Variants in NTRK2 observed in about 807,000 individuals in gnomAD.
NTRK2 encodes BDNF/NT-3 growth factors receptor.
A neutral mutation model predicts 94.5 loss-of-function variants in NTRK2; 13 were observed. The observed-to-expected ratio is 0.14, with a 90% confidence interval of 0.09 to 0.22. The LOEUF (loss-of-function observed/expected upper bound fraction) is 0.22. Among genes scored for constraint, NTRK2 ranks in the 10% least tolerant of loss-of-function variants. NTRK2 has a pLI of 1.00. For synonymous variants in NTRK2, 372 were observed against 407.4 expected, an observed-to-expected ratio of 0.91 and a Z score of 1.05; for missense variants, 639 against 1,071.2, an observed-to-expected ratio of 0.60 and a Z score of 5.63.
At chr9:84,730,782 G>GA (rs1564145193) in intron 9 of NTRK2, among the ~76,000 whole-genome samples, 6 of 4,756 alleles carry the variant, frequency 1.3e-3, no homozygotes, top group African/African-American at 2.6e-3. Flanking sequence ...TAAACAAATA[G>GA]CAAAAAAAAA....
intron 12 of NTRK2, among the ~76,000 whole-genome samples, chr9:84,753,442 T>C (rs2132519755): frequency 6.6e-6 from 1 of 152,236 alleles, no homozygotes; most frequent in South Asian, 2.1e-4. Context: ...TTTCTAACAG[T>C]TTCTGGAGAA....
intron 14 of NTRK2, chr9:84,876,668 T>C: frequency 1.9e-6 from 2 of 1,059,590 alleles, no homozygotes; most frequent in African/African-American, 3.3e-5. Context: ...TTTTTCCATA[T>C]GTATTAGGGT....
intron 12 of NTRK2, among the ~76,000 whole-genome samples, chr9:84,849,191 G>A (rs1487440958): frequency 6.6e-6 from 1 of 152,130 alleles, no homozygotes; most frequent in African/African-American, 2.4e-5. Flanking sequence ...ACACAGTTTG[G>A]CAGGGGGGAC....
At chr9:84,863,027 T>G (rs2075405362) in intron 13 of NTRK2, among the ~76,000 whole-genome samples, 1 of 152,072 alleles carries the variant, frequency 6.6e-6, no homozygotes, top group African/African-American at 2.4e-5. Context: ...GGCAGGGTAT[T>G]TACCATCTGT....
At chr9:85,018,295 A>G (rs1832451136) in intron 17 of NTRK2, among the ~76,000 whole-genome samples, 1 of 152,204 alleles carries the variant, frequency 6.6e-6, no homozygotes, top group African/African-American at 2.4e-5. Context: ...GTACATTCCA[A>G]TTATGGCTTC....
intron 14 of NTRK2, among the ~76,000 whole-genome samples, chr9:84,904,937 C>T (rs574385294): frequency 2.0e-5 from 3 of 152,044 alleles, no homozygotes; most frequent in East Asian, 3.8e-4. Context: ...TACATATGTT[C>T]GTCAACTCTT....
chr9:84,776,138 T>C (rs1564245649), intron 12 of NTRK2, among the ~76,000 whole-genome samples: 1 of 147,536 alleles, frequency 6.8e-6, no homozygotes, highest in Non-Finnish European at 1.5e-5. Context: ...ACTAGATGGA[T>C]AGATAGGTAG....
Position 84,808,877 on chromosome 9 carries a change from A to G in NTRK2, c.1397-52163A>G, listed in dbSNP as rs75408569. Among the ~76,000 whole-genome samples, 867 of 152,360 alleles carry G rather than the reference A, an allele frequency of 5.7e-3. 12 individuals are homozygous for G. Among genetic ancestry groups the G allele is most frequent in the African/African-American group, 0.02 (822 of 41,592 alleles). ...TGGTGGTACTTACGGTTCTGGAGGC[A>G]GATGACACTAGCACTTGGCAGACCA... On this transcript the variant is annotated intron_variant, in intron 12 of 18. Coordinates refer to ENST00000277120, the MANE Select transcript of NTRK2 (RefSeq NM_006180.6).
In NTRK2 at chr9:85,027,022, A is replaced by T. The variant is rs1180252723; in HGVS notation, c.*5585A>T. 3.0e-5 allele frequency: 7 copies of T among 231,648 alleles called. No individual in the cohort carries two copies. In the South Asian group the frequency reaches 1.3e-3, roughly 42 times the overall value. 14.3% of individuals were successfully genotyped at this position (231,648 alleles called of 1,614,324 possible). A position where few individuals can be genotyped will look rare whatever the true frequency, so the allele number is the denominator to read the frequency against. The stretch of plus-strand genomic sequence containing the variant: ...TTGTACTACAGTGTATTTAATAAAA[A>T]TGATGTCTTACAATAAATAACATAC... On this transcript the variant is annotated 3_prime_UTR_variant, in exon 19 of 19. Coordinates refer to ENST00000277120, the MANE Select transcript of NTRK2 (RefSeq NM_006180.6).
In NTRK2 at chr9:85,026,837, A is replaced by G. The variant is rs962029228; in HGVS notation, c.*5400A>G. 4.3e-6 allele frequency: 1 copy of G among 232,868 alleles called. No homozygotes were observed. Among genetic ancestry groups the G allele is most frequent in the Non-Finnish European group, 8.5e-6 (1 of 117,930 alleles). The allele number at this position is 232,868 out of a possible 1,614,324, so 14.4% of individuals were successfully genotyped here. A position where few individuals can be genotyped will look rare whatever the true frequency, so the allele number is the denominator to read the frequency against. ...TGATGTCTCTGTGCTAATACTTACC[A>G]GTTCTTGTTTTGCAATCTGTTTTGA... On this transcript the variant is annotated 3_prime_UTR_variant, in exon 19 of 19. Transcript: ENST00000277120.
intron 12 of NTRK2, among the ~76,000 whole-genome samples, chr9:84,807,564 A>G (rs2133489893): frequency 6.6e-6 from 1 of 152,314 alleles, no homozygotes; most frequent in South Asian, 2.1e-4. Context: ...GAATGCTACA[A>G]ATGCTTCAGA....
At chr9:84,908,546 CAAGCCATGTGTTAA>C (rs2132464785) in intron 14 of NTRK2, among the ~76,000 whole-genome samples, 1 of 152,270 alleles carries the variant, frequency 6.6e-6, no homozygotes, top group African/African-American at 2.4e-5. Flanking sequence ...TCATTTGCAG[CAAGCCATGTGTTAA>C]CAGTGCACAA....
At chr9:84,762,762 C>G (rs1291855521) in intron 12 of NTRK2, among the ~76,000 whole-genome samples, 1 of 152,184 alleles carries the variant, frequency 6.6e-6, no homozygotes, top group Non-Finnish European at 1.5e-5. Flanking sequence ...TCTCCTACCA[C>G]TCTGGGTAAT....
intron 17 of NTRK2, among the ~76,000 whole-genome samples, chr9:84,996,636 C>G (rs1352568166): frequency 6.6e-6 from 1 of 152,216 alleles, no homozygotes; most frequent in East Asian, 1.9e-4. Context: ...GTAGCGAGCC[C>G]TGCATTCAGA....
intron 12 of NTRK2, among the ~76,000 whole-genome samples, chr9:84,752,394 T>C (rs1272687996): frequency 1.3e-5 from 2 of 152,156 alleles, no homozygotes; most frequent in Non-Finnish European, 2.9e-5. Context: ...GAAAGGCAGG[T>C]GAGACACAGT....
chr9:85,017,308 G>A (rs1832340676), intron 17 of NTRK2, among the ~76,000 whole-genome samples: 1 of 152,098 alleles, frequency 6.6e-6, no homozygotes, highest in African/African-American at 2.4e-5. Context: ...ACATTAGGAG[G>A]TATACATTAT....
At chr9:84,922,017 AT>A (rs1587937234) in intron 14 of NTRK2, among the ~76,000 whole-genome samples, 1 of 152,210 alleles carries the variant, frequency 6.6e-6, no homozygotes, top group South Asian at 2.1e-4. Flanking sequence ...AATTAAAAAA[AT>A]CTATGGATTT....
At chr9:84,855,693 A>T (rs2131936863) in intron 12 of NTRK2, among the ~76,000 whole-genome samples, 1 of 152,074 alleles carries the variant, frequency 6.6e-6, no homozygotes, top group East Asian at 1.9e-4. Context: ...TATGGATAAG[A>T]ATTGAAGGAA....
chr9:84,865,265 TG>T (rs1228581235), intron 13 of NTRK2, among the ~76,000 whole-genome samples: 2 of 152,182 alleles, frequency 1.3e-5, no homozygotes, highest in Non-Finnish European at 2.9e-5. Flanking sequence ...AAATTGGCTG[TG>T]TGAGGACTTG....
Sources: gnomAD v4.1 joint callset for allele counts (sites outside exome capture counted in the v4.1 genomes callset) on GRCh38, gnomAD v4.1.1 for gene constraint, MANE v1.5 for transcripts, NCBI Gene and HGNC (gene_info 2026-07-23, HGNC 2026-07-21) for gene names.